Variants in NCOR2 observed in about 807,000 individuals in gnomAD.
NCOR2 encodes nuclear receptor corepressor 2, also known as CTG repeat protein 26.
NCOR2 carries 81 observed loss-of-function variants against 262.9 expected under a neutral mutation model. That is an observed-to-expected ratio of 0.31 (90% CI 0.26 to 0.37). The LOEUF is 0.37. NCOR2 is among the 10% of genes least tolerant of loss of function. The pLI, the probability that NCOR2 is intolerant of heterozygous loss-of-function variation, is 1.00. For synonymous variants in NCOR2, 1,659 were observed against 1,559.3 expected, an observed-to-expected ratio of 1.06 and a Z score of -1.51; for missense variants, 3,385 against 3,621.4, an observed-to-expected ratio of 0.93 and a Z score of 1.68.
At position 124,483,125 on chromosome 12, in the gene NCOR2, C is replaced by A. The variant is rs2047587743; in HGVS notation, c.411+471G>T. Among the ~76,000 whole-genome samples, 1 of 152,204 alleles carries A rather than the reference C, an allele frequency of 6.6e-6. No homozygotes were observed. The highest frequency in any genetic ancestry group is 1.9e-4 in the East Asian group (1 of 5,164). On this transcript the variant is annotated intron_variant, in intron 3 of 46. Coordinates refer to ENST00000405201, the Ensembl canonical transcript of NCOR2. This position sits in a 1 kb window ranked among gnomAD's most constrained non-coding sequence, Gnocchi z 6.3. ...GCTGCCTGCTGTGCAGGGCTCGAGGCAGGGGTCACTGAGCCCCCTGTTCCA... is the reference window on the plus strand; with the variant it reads ...GCTGCCTGCTGTGCAGGGCTCGAGGAAGGGGTCACTGAGCCCCCTGTTCCA...
intron 8 of NCOR2, among the ~76,000 whole-genome samples, chr12:124,435,265 G>C (rs2044267201): frequency 6.6e-6 from 1 of 152,180 alleles, no homozygotes; most frequent in Admixed American, 6.5e-5. Context: ...TCTGTTTCCT[G>C]GCCTGTGACT....
intron 14 of NCOR2, 44 bp from the exon 17 acceptor site, chr12:124,400,717 G>C: frequency 6.2e-7 from 1 of 1,601,238 alleles, no homozygotes; most frequent in Non-Finnish European, 8.5e-7. Flanking sequence ...ACCCGAGCCG[G>C]GAAATCAAAC....
At chr12:124,506,295 G>A (rs1292298317) in intron 1 of NCOR2, among the ~76,000 whole-genome samples, 2 of 147,046 alleles carry the variant, frequency 1.4e-5, no homozygotes, top group Admixed American at 6.7e-5. Flanking sequence ...CCCTCCCCAC[G>A]GCCCTGCCAG....
chr12:124,503,760 A>G lies in NCOR2; in HGVS notation c.-117-8392T>C, dbSNP rs369910553. Among the ~76,000 whole-genome samples the G allele has an allele frequency of 2.5e-3, 304 of 122,396 alleles. No homozygotes were observed. The highest frequency in any genetic ancestry group is 7.4e-3 in the African/African-American group (290 of 39,064). 80.3% of individuals were successfully genotyped at this position (122,396 alleles called of 152,430 possible). A position where few individuals can be genotyped will look rare whatever the true frequency, so the allele number is the denominator to read the frequency against. On this transcript the variant is annotated intron_variant, in intron 1 of 46. Transcript: ENST00000404621. This position sits in a 1 kb window ranked among gnomAD's most constrained non-coding sequence, Gnocchi z 4.3. ...GACGGATGGATGCATGGATGCATGG[A>G]TGGATGGATGGATGGATGGGCGGAT...
rs373777939 is a variant in NCOR2 at position 124,517,754 on chromosome 12, G to A, written c.-118+17811C>T. 2.9e-4 allele frequency among the ~76,000 whole-genome samples: 44 copies of A among 152,292 alleles called. No homozygotes were observed. Among genetic ancestry groups the A allele is most frequent in the Admixed American group, 5.2e-4 (8 of 15,310 alleles). On this transcript the variant is annotated intron_variant, in intron 1 of 46. Transcript: ENST00000404621. The surrounding 1 kb of genome is among the most constrained non-coding windows in gnomAD (Gnocchi z 7.6). ...TGCCCACCCGGGTCCCCTCCCACGC[G>A]GGCCGGCCAAGAAGCCTCACCCCGG...
At chr12:124,520,964 G>A (rs12820652) in intron 1 of NCOR2, among the ~76,000 whole-genome samples, 29,087 of 152,198 alleles carry the variant, frequency 0.19, 2,986 homozygotes, top group Middle Eastern at 0.31. Flanking sequence ...CTGGAAAGGG[G>A]CAGGGGGACC....
At chr12:124,374,662 G>T (rs1231523294) in intron 18 of NCOR2, among the ~76,000 whole-genome samples, 199 bp from the exon 21 acceptor site, 1 of 152,256 alleles carries the variant, frequency 6.6e-6, no homozygotes, top group Non-Finnish European at 1.5e-5. Context: ...AGCGGCCACA[G>T]GTGACCTGCA....
intron 17 of NCOR2, among the ~76,000 whole-genome samples, chr12:124,382,516 T>A (rs1348578686): frequency 6.6e-6 from 1 of 152,242 alleles, no homozygotes; most frequent in Non-Finnish European, 1.5e-5. Flanking sequence ...ACCTTCTTTA[T>A]CAGCTTTGAC....
rs1210156771 is a variant in NCOR2, at chr12:124,531,815, C to T, written c.-118+3750G>A. Among the ~76,000 whole-genome samples, 3 of 151,932 alleles carry T rather than the reference C, an allele frequency of 2.0e-5. No individual in the cohort carries two copies. The highest frequency in any genetic ancestry group is 4.4e-5 in the Non-Finnish European group (3 of 67,958). ...CCCCGATCACCCGCCCAGGGTACCC[C>T]GAGACCCCAGCCCCCACCCACACCG... On this transcript the variant is annotated intron_variant, in intron 1 of 46. Coordinates refer to the NCOR2 transcript ENST00000404621. The surrounding 1 kb of genome is among the most constrained non-coding windows in gnomAD (Gnocchi z 4.5).
intron 5 of NCOR2, among the ~76,000 whole-genome samples, chr12:124,464,076 G>T (rs992820225): frequency 6.6e-6 from 1 of 152,250 alleles, no homozygotes; most frequent in Admixed American, 6.5e-5. Flanking sequence ...CAGAAATCAT[G>T]TCCCATGGGG....
chr12:124,495,137 A>G lies in NCOR2; in HGVS notation c.105+10T>C. On this transcript the variant is annotated intron_variant, in intron 1 of 46. Transcript: ENST00000405201. This position sits in a 1 kb window ranked among gnomAD's most constrained non-coding sequence, Gnocchi z 4.4. ...GGTAGCCCCAGGCGCACACATGTGC[A>G]CCCCCTTACCGTGTGCGTCCGGGCG... 1 of 1,613,102 alleles carries G rather than the reference A, an allele frequency of 6.2e-7. No homozygotes were observed. Among genetic ancestry groups the G allele is most frequent in the Non-Finnish European group, 8.5e-7 (1 of 1,179,682 alleles).
upstream of NCOR2, chr12:124,495,326 C>A: frequency 6.6e-7 from 1 of 1,505,258 alleles, no homozygotes; most frequent in Non-Finnish European, 8.9e-7. The surrounding 1 kb of genome is among the most constrained non-coding windows in gnomAD (Gnocchi z 4.4). Flanking sequence ...GGATTAAAAG[C>A]CAGTCCTCGT....
At chr12:124,508,473 G>A (rs1166447433) in intron 1 of NCOR2, among the ~76,000 whole-genome samples, 2 of 152,202 alleles carry the variant, frequency 1.3e-5, no homozygotes, top group African/African-American at 2.4e-5. Context: ...CAAAAAGCAA[G>A]AGGAGAGCTG....
intron 34 of NCOR2, 84 bp downstream of exon 36, chr12:124,341,739 T>C: frequency 6.5e-7 from 1 of 1,530,272 alleles, no homozygotes; most frequent in Non-Finnish European, 8.8e-7. Context: ...CAGGTCTAGC[T>C]GCCTCCGCGA....
rs1382685325 is a variant in NCOR2 at position 124,440,864 on chromosome 12, T to C, written c.816-2868A>G. Among the ~76,000 whole-genome samples, 1 of 151,920 alleles carries C rather than the reference T, an allele frequency of 6.6e-6. No homozygotes were observed. The highest frequency in any genetic ancestry group is 2.4e-5 in the African/African-American group (1 of 41,330). On this transcript the variant is annotated intron_variant, in intron 7 of 46. Coordinates refer to ENST00000405201, the Ensembl canonical transcript of NCOR2. This position sits in a 1 kb window ranked among gnomAD's most constrained non-coding sequence, Gnocchi z 5.7. Reference sequence around the variant, plus strand: ...TCAGAAGGACCCGGCTCTGGGAAGATCCAGAAGGAAGGGAACTCCAGCTGG... The same window carrying C: ...TCAGAAGGACCCGGCTCTGGGAAGACCCAGAAGGAAGGGAACTCCAGCTGG...
intron 35 of NCOR2, 74 bp from the exon 38 acceptor site, chr12:124,340,517 A>G (rs2036370905): frequency 3.2e-6 from 5 of 1,570,310 alleles, no homozygotes; most frequent in East Asian, 2.3e-5. Context: ...GGGGTGGGAA[A>G]GAGAGCAGGG....
chr12:124,419,279 C>T (rs914081942), intron 13 of NCOR2, among the ~76,000 whole-genome samples: 3 of 152,292 alleles, frequency 2.0e-5, no homozygotes, highest in Admixed American at 1.3e-4. Flanking sequence ...AGACCCTGTA[C>T]GCCATACACT....
At chr12:124,326,431 G>A (rs976293325) in intron 45 of NCOR2, 61 bp from the exon 48 acceptor site, 15 of 1,394,424 alleles carry the variant, frequency 1.1e-5, no homozygotes, top group Admixed American at 6.1e-5. Flanking sequence ...CCGACGCTAC[G>A]GTGGGGCCAC....
chr12:124,336,949 G>A (rs2035949469), exon 38 of NCOR2: 2 of 1,540,618 alleles, frequency 1.3e-6, no homozygotes, highest in Non-Finnish European at 1.7e-6. Context: ...CCGAGCCCTT[G>A]CTGGGGGAGG....
Sources: allele counts gnomAD v4.1 joint callset (sites outside exome capture counted in the v4.1 genomes callset), GRCh38; gene constraint gnomAD v4.1.1; non-coding constraint Gnocchi (gnomAD v3.1); transcripts MANE v1.5; gene names NCBI Gene and HGNC (gene_info 2026-07-23, HGNC 2026-07-21).